The following WRN variants were observed in gnomAD, a reference collection of about 807,000 sequenced individuals.
The protein encoded by WRN is bifunctional 3'-5' exonuclease/ATP-dependent helicase WRN.
WRN carries 149 observed loss-of-function variants against 180.7 expected under a neutral mutation model. The observed-to-expected ratio is 0.82, with a 90% CI of 0.72 to 0.94. The LOEUF is 0.94. Ranked by LOEUF, WRN falls within the 40% of genes least tolerant of loss-of-function variation. WRN has a pLI of 0.00. For missense variants in WRN, 1,661 were observed against 1,700.1 expected (o/e 0.98, Z 0.40); for synonymous variants, 548 against 568.9 (o/e 0.96, Z 0.52).
chr8:31,049,723 A>T (rs1197694260), intron 1 of WRN, among the ~76,000 whole-genome samples: 1 of 152,022 alleles, frequency 6.6e-6, no homozygotes, highest in East Asian at 1.9e-4. Context: ...TGGATTTGCT[A>T]TTTTTATCTG....
At position 31,141,688 on chromosome 8, in the gene WRN, A is replaced by G. The variant is rs1463731424; in HGVS notation, c.3146A>G (p.Asn1049Ser). 1.9e-6 allele frequency: 3 copies of G among 1,614,180 alleles called. No homozygotes were observed. The highest frequency in any genetic ancestry group is 3.3e-5 in the Admixed American group (2 of 60,024). Reference protein sequence around the residue: ...KICALTKKGRNWLHKANTESQ... With the variant: ...KICALTKKGRSWLHKANTESQ... ...CCTTTTTGCTTTTAATAGGGTAGAAATTGGCTTCATAAAGCTAATACAGAA... is the reference window on the plus strand; with the variant it reads ...CCTTTTTGCTTTTAATAGGGTAGAAGTTGGCTTCATAAAGCTAATACAGAA... The change falls in exon 26 of 35, where the codon AAT (asparagine) becomes AGT (serine). Residue 1049 changes from asparagine to serine, a missense_variant. Around this residue, in one of 3 missense-constraint regions of WRN, gnomAD observed 1,141 missense variants for 1,149.4 expected, o/e 0.99. Coordinates refer to ENST00000298139, the MANE Select transcript of WRN (RefSeq NM_000553.6).
At chr8:31,135,628 G>C (rs1302252290) in intron 24 of WRN, among the ~76,000 whole-genome samples, 1 of 152,182 alleles carries the variant, frequency 6.6e-6, no homozygotes, top group Non-Finnish European at 1.5e-5. Flanking sequence ...GGTATCACTA[G>C]AACTTCCTAT....
intron 11 of WRN, among the ~76,000 whole-genome samples, chr8:31,086,620 T>C (rs182178438): frequency 6.6e-6 from 1 of 152,024 alleles, no homozygotes; most frequent in East Asian, 1.9e-4. Flanking sequence ...TGAATTCAGA[T>C]GTAGGTTTGT....
intron 13 of WRN, among the ~76,000 whole-genome samples, chr8:31,089,975 T>G (rs185306589): frequency 6.6e-6 from 1 of 151,954 alleles, no homozygotes; most frequent in Non-Finnish European, 1.5e-5. Flanking sequence ...GTTAAATATT[T>G]ACTTAACAGT....
rs1272923869 is a variant in WRN at position 31,167,111 on chromosome 8, G to A, written c.4072G>A (p.Gly1358Ser). The change falls in exon 34 of 35, where the codon GGT (glycine) becomes AGT (serine). Residue 1358 changes from glycine to serine, a missense_variant. Gly to Ser is a moderately conservative substitution (Grantham distance 56, BLOSUM62 0). This residue lies in a region of WRN where 1,141 missense variants were observed against 1,149.4 expected (regional missense o/e 0.99). Transcript: ENST00000298139. ...CATGGCAATTGAGATCCTTAAACATGGTCCTGACAGCGGACTTCAACCTTC... is the reference window on the plus strand; with the variant it reads ...CATGGCAATTGAGATCCTTAAACATAGTCCTGACAGCGGACTTCAACCTTC... ...IHMAIEILKHGPDSGLQPSCD... is the reference protein window; with the variant it reads ...IHMAIEILKHSPDSGLQPSCD... 1 of 1,613,350 alleles carries A rather than the reference G, an allele frequency of 6.2e-7. No individual in the cohort carries two copies. The highest frequency in any genetic ancestry group is 1.1e-5 in the South Asian group (1 of 91,046).
chr8:31,038,948 T>C (rs1414455204), intron 1 of WRN, among the ~76,000 whole-genome samples: 1 of 152,334 alleles, frequency 6.6e-6, no homozygotes, highest in South Asian at 2.1e-4. Flanking sequence ...TCTGTCCTTA[T>C]GCCTGTACCA....
intron 1 of WRN, among the ~76,000 whole-genome samples, chr8:31,045,957 C>T (rs1382439611): frequency 6.6e-6 from 1 of 152,058 alleles, no homozygotes; most frequent in Non-Finnish European, 1.5e-5. Context: ...TGTGTCTTAT[C>T]CAGTCCTTTT....
At chr8:31,085,748 G>A (rs536274930) in intron 11 of WRN, among the ~76,000 whole-genome samples, 173 of 152,232 alleles carry the variant, frequency 1.1e-3, no homozygotes, top group African/African-American at 4.1e-3. Context: ...GGGGATTGCA[G>A]GTGTGAGCCG....
intron 7 of WRN, among the ~76,000 whole-genome samples, chr8:31,075,446 TCA>T (rs1448986813): frequency 2.0e-5 from 3 of 152,034 alleles, no homozygotes; most frequent in Non-Finnish European, 2.9e-5. Flanking sequence ...GGGTGGCAGC[TCA>T]TGCCTGTAAT....
In WRN at chr8:31,157,444, G is replaced by C. The variant is rs2130480798; in HGVS notation, c.3896G>C (p.Cys1299Ser). The stretch of plus-strand genomic sequence containing the variant: ...TTATCCCAAGCGGTGAAAGCTGGCT[G>C]CCCCCTTGATTTGGAGCGAGCAGGC... ...MHLSQAVKAGCPLDLERAGLT... is the reference protein window; with the variant it reads ...MHLSQAVKAGSPLDLERAGLT... Residue 1299 changes from cysteine to serine, a missense_variant, in exon 33 of 35, where the codon TGC becomes TCC. This residue lies in a region of WRN where 1,141 missense variants were observed against 1,149.4 expected (regional missense o/e 0.99). Transcript: ENST00000298139. 1 of 1,614,098 alleles carries C rather than the reference G, an allele frequency of 6.2e-7. No individual in the cohort carries two copies. The highest frequency in any genetic ancestry group is 1.1e-5 in the South Asian group (1 of 91,080).
chr8:31,120,676 C>G (rs559521309), intron 21 of WRN, among the ~76,000 whole-genome samples: 1 of 151,878 alleles, frequency 6.6e-6, no homozygotes, highest in African/African-American at 2.4e-5. Flanking sequence ...TTAACTAAAT[C>G]AGGACAATAC....
chr8:31,090,772 C>T, intron 14 of WRN, 62 bp from the exon 15 acceptor site: 1 of 1,367,592 alleles, frequency 7.3e-7, no homozygotes, highest in Non-Finnish European at 1.0e-6. Context: ...ATGAAAGCAT[C>T]AAAGGTTTAT....
chr8:31,134,040 A>G (rs1802292776), intron 24 of WRN, among the ~76,000 whole-genome samples: 1 of 152,190 alleles, frequency 6.6e-6, no homozygotes, highest in Admixed American at 6.5e-5. Flanking sequence ...TAAGAAGTCT[A>G]TCCTTTGTGA....
At chr8:31,083,678 T>TGCTTAATAC in intron 9 of WRN, 21 bp from the exon 10 acceptor site, 1 of 1,596,586 alleles carries the variant, frequency 6.3e-7, no homozygotes, top group Non-Finnish European at 8.6e-7. Flanking sequence ...TGGAAATTAA[T>TGCTTAATAC]GCTTAATACT....
rs2130140311 is a variant in WRN at position 31,085,183 on chromosome 8, TAATG to T, written c.1371_1374del (p.Asn457LysfsTer7). ...TTTTAAAGCATTTATCTCCCAATGA[TAATG>T]AAAACGATACGTCCTATGTAATTGA... On this transcript the variant is annotated frameshift_variant, in exon 11 of 35. Coordinates refer to ENST00000298139, the MANE Select transcript of WRN (RefSeq NM_000553.6). LOFTEE classifies it high-confidence loss of function. The T allele has an allele frequency of 6.2e-7, 1 of 1,613,084 alleles. No homozygotes were observed. Among genetic ancestry groups the T allele is most frequent in the Non-Finnish European group, 8.5e-7 (1 of 1,179,394 alleles).
chr8:31,171,347 A>C (rs1321069111), intron 34 of WRN: 1 of 152,106 alleles, frequency 6.6e-6, no homozygotes, highest in Non-Finnish European at 1.5e-5. Flanking sequence ...AAAAAAAAAA[A>C]ACATTAAAAA....
rs764132856 is a variant in WRN, at chr8:31,100,959, A to G, written c.2088+4A>G. On this transcript the variant is annotated splice_donor_region_variant and intron_variant, in intron 18 of 34. Transcript: ENST00000298139. Reference sequence around the variant, plus strand: ...CCTAAAGACAGCACTGCCAATGGTAAGCTTTGCCAAGTCTGATGTCCCGAA... The same window carrying G: ...CCTAAAGACAGCACTGCCAATGGTAGGCTTTGCCAAGTCTGATGTCCCGAA... 1 of 1,611,680 alleles carries G rather than the reference A, an allele frequency of 6.2e-7. No individual in the cohort carries two copies. The highest frequency in any genetic ancestry group is 8.5e-7 in the Non-Finnish European group (1 of 1,177,926).
chr8:31,147,096 C>G lies in WRN; in HGVS notation c.3427C>G (p.Pro1143Ala), dbSNP rs1177812319. ...SPEKAYSSSQPVISAQEQETQ... is the reference protein window; with the variant it reads ...SPEKAYSSSQAVISAQEQETQ... ...AGAAAAAGCTTACAGTTCCTCACAG[C>G]CTGTTATTTCGGCACAAGAGCAGGA... is the stretch of plus-strand genomic sequence containing the variant. Residue 1143 changes from proline (P) to alanine (A), a missense_variant, in exon 29 of 35, where the codon CCT becomes GCT. Physicochemically the swap from Pro to Ala is conservative, Grantham distance 27 (BLOSUM62 -1). Coordinates refer to ENST00000298139, the MANE Select transcript of WRN (RefSeq NM_000553.6). 23 of 1,613,758 alleles carry G rather than the reference C, an allele frequency of 1.4e-5. No homozygotes were observed. The highest frequency in any genetic ancestry group is 1.3e-4 in the South Asian group (12 of 91,058).
chr8:31,043,591 C>T (rs1171084442), intron 1 of WRN, among the ~76,000 whole-genome samples: 3 of 152,136 alleles, frequency 2.0e-5, no homozygotes, highest in Non-Finnish European at 4.4e-5. Flanking sequence ...TCCTCCTATG[C>T]TTGACTTTAC....
Sources: allele counts gnomAD v4.1 joint callset (sites outside exome capture counted in the v4.1 genomes callset), GRCh38; gene constraint gnomAD v4.1.1; regional missense constraint gnomAD v4.1.1; transcripts MANE v1.5; gene names NCBI Gene and HGNC (gene_info 2026-07-23, HGNC 2026-07-21).